The following MALRD1 variants were observed in gnomAD, a reference collection of about 807,000 sequenced individuals.
The protein encoded by MALRD1 is MAM and LDL receptor class A domain containing 1.
Under a neutral mutation model 242.1 loss-of-function variants are expected in MALRD1, and 247 were observed. The observed-to-expected ratio is 1.02, with a 90% CI of 0.92 to 1.13. MALRD1 has a LOEUF of 1.13. Among genes scored for constraint, MALRD1 ranks in the 50% most tolerant of loss-of-function variants. MALRD1 has a pLI of 0.00. For synonymous variants in MALRD1, 995 were observed against 866.6 expected, an observed-to-expected ratio of 1.15 and a Z score of -2.60; for missense variants, 2,989 against 2,533.1, an observed-to-expected ratio of 1.18 and a Z score of -3.86.
chr10:19,175,245 C>T lies in MALRD1; in HGVS notation c.1868C>T (p.Thr623Ile). ...GCTACTGTTTTGTCGTCAAATGCTA[C>T]CGTTGCTCTAGATGACATCAGTGTG... ...LEATVLSSNA[T>I]VALDDISVSQ... The change falls in exon 14 of 40, where the codon ACC becomes ATC. Residue 623 changes from threonine (T) to isoleucine (I), a missense_variant. Transcript: ENST00000454679. 8.1e-7 allele frequency: 1 copy of T among 1,230,232 alleles called. No homozygotes were observed. The highest frequency in any genetic ancestry group is 1.0e-6 in the Non-Finnish European group (1 of 987,078). The allele number at this position is 1,230,232 out of a possible 1,614,324, so 76.2% of individuals were successfully genotyped here.
intron 1 of MALRD1, among the ~76,000 whole-genome samples, chr10:19,059,748 T>C (rs1408642494): frequency 2.0e-5 from 3 of 152,150 alleles, no homozygotes; most frequent in African/African-American, 7.2e-5. Context: ...AATGATCTAA[T>C]AAACAGCCTT....
rs12258330 is a variant in MALRD1 at position 19,123,305 on chromosome 10, A to C, written c.695-187A>C. On this transcript the variant is annotated intron_variant, in intron 5 of 39. Transcript: ENST00000454679. ...CTCTGTCTCTATTTGAGTGGTGTGTATGTGTGTGTGTGTGTGTGTGAGAGA... is the reference window on the plus strand; with the variant it reads ...CTCTGTCTCTATTTGAGTGGTGTGTCTGTGTGTGTGTGTGTGTGTGAGAGA... 7.8e-3 allele frequency among the ~76,000 whole-genome samples: 1,169 copies of C among 149,980 alleles called. 21 individuals are homozygous for C. Among genetic ancestry groups the C allele is most frequent in the African/African-American group, 0.027 (1,091 of 40,940 alleles).
At chr10:19,448,184 T>C (rs1376016412) in intron 28 of MALRD1, among the ~76,000 whole-genome samples, 1 of 152,142 alleles carries the variant, frequency 6.6e-6, no homozygotes, top group Non-Finnish European at 1.5e-5. Context: ...AGACATTCCT[T>C]TTTTTTCCTC....
chr10:19,437,030 G>A (rs1317359265), intron 28 of MALRD1, among the ~76,000 whole-genome samples: 3 of 152,110 alleles, frequency 2.0e-5, no homozygotes, highest in Non-Finnish European at 4.4e-5. Context: ...GAGTATTTGA[G>A]GGGGAATATA....
At chr10:19,485,911 TCA>T (rs2131195131) in intron 29 of MALRD1, among the ~76,000 whole-genome samples, 1 of 152,126 alleles carries the variant, frequency 6.6e-6, no homozygotes, top group Admixed American at 6.5e-5. Context: ...AGGGGTATAT[TCA>T]GTTTTCATTA....
At position 19,512,260 on chromosome 10, in the gene MALRD1, C is replaced by T. The variant is rs143006685; in HGVS notation, c.5320+13614C>T. Among the ~76,000 whole-genome samples, 362 of 152,114 alleles carry T rather than the reference C, an allele frequency of 2.4e-3. 7 individuals are homozygous for T. The East Asian group carries it at 0.05, about 21-fold the overall frequency. On this transcript the variant is annotated intron_variant, in intron 31 of 39. Transcript: ENST00000454679. ...TCTGGCATAATACATTAAAGCTTGG[C>T]AATATTTCATCATTTATAAGAACAG...
chr10:19,453,732 T>G lies in MALRD1; in HGVS notation c.5029+3242T>G, dbSNP rs1464639736. Reference sequence around the variant, plus strand: ...CTCTACTAAAAATAGAAAAATTAGCTGGGCGTTGTGGCACATGCTTGTAAT... The same window carrying G: ...CTCTACTAAAAATAGAAAAATTAGCGGGGCGTTGTGGCACATGCTTGTAAT... On this transcript the variant is annotated intron_variant, in intron 29 of 39. Coordinates refer to ENST00000454679, the MANE Select transcript of MALRD1 (RefSeq NM_001142308.3). 2.0e-5 allele frequency among the ~76,000 whole-genome samples: 3 copies of G among 151,918 alleles called. No individual in the cohort carries two copies. The South Asian group carries it at 6.2e-4, about 32-fold the overall frequency.
intron 29 of MALRD1, among the ~76,000 whole-genome samples, chr10:19,479,925 TCTA>T (rs1361938127): frequency 3.3e-5 from 5 of 152,274 alleles, no homozygotes; most frequent in South Asian, 4.1e-4. Context: ...GCACATTACT[TCTA>T]CTCACATTCC....
At chr10:19,238,500 TATAATATATAATGTATATTATATATA>T (rs1838563521) in intron 18 of MALRD1, among the ~76,000 whole-genome samples, 1 of 54,118 alleles carries the variant, frequency 1.8e-5, no homozygotes, top group Non-Finnish European at 3.4e-5. Flanking sequence ...TAATATATAA[TATAATATATAATGTATATTATATATA>T]ATATACATTA....
At chr10:19,555,517 G>A (rs1649984280) in intron 32 of MALRD1, among the ~76,000 whole-genome samples, 1 of 152,140 alleles carries the variant, frequency 6.6e-6, no homozygotes, top group South Asian at 2.1e-4. Context: ...AAAGTCATGT[G>A]AAGCTGTAAG....
intron 14 of MALRD1, among the ~76,000 whole-genome samples, chr10:19,184,593 G>A (rs368890070): frequency 1.3e-5 from 2 of 152,132 alleles, no homozygotes; most frequent in African/African-American, 4.8e-5. Flanking sequence ...CTGTTGCCCA[G>A]GCTGGGGTGC....
intron 29 of MALRD1, among the ~76,000 whole-genome samples, chr10:19,461,274 A>T (rs925762354): frequency 1.3e-5 from 2 of 152,206 alleles, no homozygotes; most frequent in Admixed American, 6.6e-5. Context: ...GTTGTCTCAG[A>T]GGAACTGGGA....
chr10:19,624,878 G>GAAA (rs145042762), intron 36 of MALRD1, among the ~76,000 whole-genome samples: 1 of 119,944 alleles, frequency 8.3e-6, no homozygotes, highest in Non-Finnish European at 1.7e-5. Context: ...CTCAAAAAAG[G>GAAA]AAAAAAAAAA....
At chr10:19,154,941 A>G in intron 11 of MALRD1, 134 bp from the exon 12 acceptor site, 1 of 420,878 alleles carries the variant, frequency 2.4e-6, no homozygotes, top group Non-Finnish European at 4.0e-6. Context: ...TACAAACCAT[A>G]ATAGTAAACA....
intron 22 of MALRD1, among the ~76,000 whole-genome samples, chr10:19,326,000 T>G (rs1212220254): frequency 1.3e-5 from 2 of 151,154 alleles, no homozygotes; most frequent in Non-Finnish European, 2.9e-5. Flanking sequence ...AAACATAGTT[T>G]CTTTCAAAAA....
rs1357185722 is a variant in MALRD1, at chr10:19,662,083, G to A, written c.6138-30199G>A. 2.0e-5 allele frequency among the ~76,000 whole-genome samples: 3 copies of A among 151,964 alleles called. 1 individual carries two copies. The highest frequency in any genetic ancestry group is 7.3e-5 in the African/African-American group (3 of 41,368). On this transcript the variant is annotated intron_variant, in intron 36 of 39. Coordinates refer to ENST00000454679, the MANE Select transcript of MALRD1 (RefSeq NM_001142308.3). ...TAGCATCTGTTAATGTAATCACAGA[G>A]TATTTTAATATGAAAGAGTATAATT...
intron 11 of MALRD1, among the ~76,000 whole-genome samples, chr10:19,146,802 A>G (rs1030040822): frequency 1.3e-5 from 2 of 152,150 alleles, no homozygotes; most frequent in African/African-American, 4.8e-5. Flanking sequence ...CTTTATAATA[A>G]ACAGTCTTAT....
intron 36 of MALRD1, among the ~76,000 whole-genome samples, chr10:19,651,056 C>T (rs1458102532): frequency 2.6e-5 from 4 of 152,146 alleles, no homozygotes; most frequent in African/African-American, 9.7e-5. Context: ...GTTCTTGACC[C>T]AAATGGAATA....
chr10:19,419,469 T>C (rs532219254), intron 28 of MALRD1, among the ~76,000 whole-genome samples: 12 of 152,018 alleles, frequency 7.9e-5, no homozygotes, highest in Non-Finnish European at 1.5e-4. Flanking sequence ...AAATTTAATT[T>C]TTTTGTTGTT....
Sources: gnomAD v4.1 joint callset for allele counts (sites outside exome capture counted in the v4.1 genomes callset) on GRCh38, gnomAD v4.1.1 for gene constraint, MANE v1.5 for transcripts, NCBI Gene and HGNC (gene_info 2026-07-23, HGNC 2026-07-21) for gene names.